LHFPL6: variants seen among roughly 807,000 people sequenced by gnomAD.
LHFPL6 encodes LHFPL tetraspan subfamily member 6, also known as LHFPL tetraspan subfamily member 6 protein.
In LHFPL6, 9 loss-of-function variants were observed where a neutral mutation model predicts 20.6. The observed-to-expected ratio is 0.44, with a 90% CI of 0.26 to 0.76. The LOEUF (loss-of-function observed/expected upper bound fraction) is 0.76, where lower values mean the gene tolerates loss of function less well. Ranked by LOEUF, LHFPL6 falls within the 30% of genes least tolerant of loss-of-function variation. The pLI is 0.20. For synonymous variants in LHFPL6, 105 were observed against 98.7 expected, an observed-to-expected ratio of 1.06 and a Z score of -0.38; for missense variants, 218 against 253.5, an observed-to-expected ratio of 0.86 and a Z score of 0.95.
At chr13:39,368,818 G>C (rs977011416) in intron 3 of LHFPL6, among the ~76,000 whole-genome samples, 2 of 152,130 alleles carry the variant, frequency 1.3e-5, no homozygotes, top group African/African-American at 4.8e-5. Flanking sequence ...AATTATTTCA[G>C]TCTTGATTTC....
rs566335899 is a variant in LHFPL6, at chr13:39,547,362, C to T, written c.385+53470G>A. Among the ~76,000 whole-genome samples the T allele has an allele frequency of 2.6e-5, 4 of 152,132 alleles. No homozygotes were observed. In the South Asian group the frequency reaches 6.2e-4, roughly 24 times the overall value. ...TTCATCTTGTATCCCCAATACCTAG[C>T]AAGGGGCTTTGTCACAGAAAGAAAT... On this transcript the variant is annotated intron_variant, in intron 2 of 3. Coordinates refer to ENST00000379589, the MANE Select transcript of LHFPL6 (RefSeq NM_005780.3).
chr13:39,524,203 T>C (rs1374057085), intron 2 of LHFPL6, among the ~76,000 whole-genome samples: 3 of 152,180 alleles, frequency 2.0e-5, no homozygotes, highest in East Asian at 3.8e-4. Flanking sequence ...CAATTTAGTA[T>C]GTATTTTGAG....
At position 39,556,081 on chromosome 13, in the gene LHFPL6, C is replaced by T. The variant is rs575781512; in HGVS notation, c.385+44751G>A. On this transcript the variant is annotated intron_variant, in intron 2 of 3. Coordinates refer to ENST00000379589, the MANE Select transcript of LHFPL6 (RefSeq NM_005780.3). ...ACCAAGATTAGGAGCTTCCTGAAGC[C>T]CACACCAGAAGCTGAGCAGATGTCA... 7.4e-4 allele frequency among the ~76,000 whole-genome samples: 113 copies of T among 152,276 alleles called. No individual in the cohort carries two copies. The Middle Eastern group carries it at 0.01, about 14-fold the overall frequency.
chr13:39,451,939 T>TGC (rs1872456123), intron 2 of LHFPL6, among the ~76,000 whole-genome samples: 2 of 152,112 alleles, frequency 1.3e-5, no homozygotes, highest in Non-Finnish European at 2.9e-5. Flanking sequence ...TGTGTGTGTG[T>TGC]GTGTGTGTGC....
chr13:39,351,706 A>G (rs1869572101), intron 3 of LHFPL6, among the ~76,000 whole-genome samples: 1 of 152,200 alleles, frequency 6.6e-6, no homozygotes, highest in Non-Finnish European at 1.5e-5. Context: ...AACCTAACTT[A>G]GGAGTACGCA....
At chr13:39,490,421 C>G (rs1868884067) in intron 2 of LHFPL6, among the ~76,000 whole-genome samples, 1 of 152,110 alleles carries the variant, frequency 6.6e-6, no homozygotes, top group African/African-American at 2.4e-5. Flanking sequence ...TAGAGGACAC[C>G]CAAAAGAGAA....
intron 2 of LHFPL6, among the ~76,000 whole-genome samples, chr13:39,463,626 G>A (rs1430426500): frequency 1.3e-5 from 2 of 151,966 alleles, no homozygotes; most frequent in African/African-American, 4.8e-5. Flanking sequence ...AGGTGTAGAG[G>A]CTCTACAGTT....
chr13:39,550,748 C>T (rs1444070970), intron 2 of LHFPL6, among the ~76,000 whole-genome samples: 1 of 152,084 alleles, frequency 6.6e-6, no homozygotes, highest in Non-Finnish European at 1.5e-5. Flanking sequence ...TTTACATACG[C>T]TTATTATTAA....
chr13:39,448,947 T>C (rs566555275), intron 2 of LHFPL6, among the ~76,000 whole-genome samples: 3 of 152,354 alleles, frequency 2.0e-5, no homozygotes, highest in East Asian at 3.9e-4. Flanking sequence ...TGTGAGCAGA[T>C]GCATTAGAAG....
intron 2 of LHFPL6, among the ~76,000 whole-genome samples, chr13:39,475,971 T>C (rs1201700740): frequency 1.3e-5 from 2 of 152,128 alleles, no homozygotes; most frequent in African/African-American, 2.4e-5. Flanking sequence ...TAAAAAATAA[T>C]GTAGGTAATG....
intron 2 of LHFPL6, among the ~76,000 whole-genome samples, chr13:39,560,676 G>A (rs990195798): frequency 3.3e-5 from 5 of 151,768 alleles, no homozygotes; most frequent in African/African-American, 1.2e-4. Context: ...CCCCACGCCC[G>A]GCTAATTTCT....
At chr13:39,350,851 G>C (rs1869552499) in intron 3 of LHFPL6, among the ~76,000 whole-genome samples, 1 of 152,208 alleles carries the variant, frequency 6.6e-6, no homozygotes, top group Admixed American at 6.5e-5. Flanking sequence ...CCCCAGAGTA[G>C]AGATAGGGGT....
chr13:39,391,887 A>G (rs4941925), intron 2 of LHFPL6, among the ~76,000 whole-genome samples: 151,811 of 152,344 alleles, frequency 1, 75,642 homozygotes, highest in Middle Eastern at 1. Flanking sequence ...AAACAGTAAA[A>G]CCATCTGGAA....
chr13:39,406,795 T>G (rs960461952), intron 2 of LHFPL6, among the ~76,000 whole-genome samples: 8 of 152,244 alleles, frequency 5.3e-5, no homozygotes, highest in Admixed American at 4.6e-4. Flanking sequence ...CATTTAATTT[T>G]AAGTCTTATA....
chr13:39,422,586 C>CAAAAAAAA (rs11311637), intron 2 of LHFPL6, among the ~76,000 whole-genome samples: 1 of 118,806 alleles, frequency 8.4e-6, no homozygotes, highest in African/African-American at 3.4e-5. Flanking sequence ...AACTCCAACT[C>CAAAAAAAA]AAAAAAAAAA....
At chr13:39,362,173 T>G (rs565142255) in intron 3 of LHFPL6, among the ~76,000 whole-genome samples, 1 of 152,210 alleles carries the variant, frequency 6.6e-6, no homozygotes, top group Non-Finnish European at 1.5e-5. Context: ...AGGGGCCTGG[T>G]GGGAGGTGAC....
At chr13:39,562,595 TATACAC>T in intron 2 of LHFPL6, among the ~76,000 whole-genome samples, 1 of 65,300 alleles carries the variant, frequency 1.5e-5, no homozygotes, top group Non-Finnish European at 3.8e-5. Context: ...TATATACATA[TATACAC>T]ATATACATAT....
At position 39,379,665 on chromosome 13, in the gene LHFPL6, A is replaced by G. The variant is rs1870387092; in HGVS notation, c.386-1139T>C. Among the ~76,000 whole-genome samples, 2 of 152,146 alleles carry G rather than the reference A, an allele frequency of 1.3e-5. 1 individual carries two copies. Among genetic ancestry groups the G allele is most frequent in the Admixed American group, 1.3e-4 (2 of 15,278 alleles). ...TGACCAGTAGTAATCCATACAAATA[A>G]TCTGTTTCCTTACAGGTAACTAAAG... On this transcript the variant is annotated intron_variant, in intron 2 of 3. Transcript: ENST00000379589.
At chr13:39,490,945 A>G (rs1868905385) in intron 2 of LHFPL6, among the ~76,000 whole-genome samples, 1 of 152,190 alleles carries the variant, frequency 6.6e-6, no homozygotes, top group African/African-American at 2.4e-5. Context: ...GCTCTCTGCA[A>G]CAGATGACCA....
Sources: allele counts gnomAD v4.1 joint callset (sites outside exome capture counted in the v4.1 genomes callset), GRCh38; gene constraint gnomAD v4.1.1; transcripts MANE v1.5; gene names NCBI Gene and HGNC (gene_info 2026-07-23, HGNC 2026-07-21).